ANKRD13A: variants seen among roughly 807,000 people sequenced by gnomAD.
ANKRD13A encodes ankyrin repeat domain 13A, also known as ankyrin repeat domain-containing protein 13A.
In ANKRD13A, 48 loss-of-function variants were observed where a neutral mutation model predicts 81.3. That is an observed-to-expected ratio of 0.59 (90% confidence interval 0.47 to 0.75). ANKRD13A has a LOEUF of 0.75. Among genes scored for constraint, ANKRD13A ranks in the 30% least tolerant of loss-of-function variants. The pLI, the probability that ANKRD13A is intolerant of heterozygous loss-of-function variation, is 0.00. For synonymous variants in ANKRD13A, 230 were observed against 270.1 expected, an observed-to-expected ratio of 0.85 and a Z score of 1.45; for missense variants, 612 against 734.0, an observed-to-expected ratio of 0.83 and a Z score of 1.92.
rs1054134170 is a variant in ANKRD13A, at chr12:110,039,165, A to G, written c.*1611A>G. ...GTTTGTTTCAAATATGCAGTGTGGTATTTTGTTTACTTTGCATTTACCGTG... is the reference window on the plus strand; with the variant it reads ...GTTTGTTTCAAATATGCAGTGTGGTGTTTTGTTTACTTTGCATTTACCGTG... On this transcript the variant is annotated 3_prime_UTR_variant, in exon 15 of 15. Coordinates refer to ENST00000261739, the MANE Select transcript of ANKRD13A (RefSeq NM_033121.2). The G allele has an allele frequency of 1.3e-5, 2 of 151,408 alleles. No homozygotes were observed. The highest frequency in any genetic ancestry group is 2.9e-5 in the Non-Finnish European group (2 of 67,950). 9.4% of individuals were successfully genotyped at this position (151,408 alleles called of 1,614,324 possible). A position where few individuals can be genotyped will look rare whatever the true frequency, so the allele number is the denominator to read the frequency against.
Position 110,018,295 on chromosome 12 carries a change from ATTC to A in ANKRD13A, c.401-44_401-42del. 2.5e-6 allele frequency: 4 copies of A among 1,569,396 alleles called. No homozygotes were observed. Among genetic ancestry groups the A allele is most frequent in the Non-Finnish European group, 3.5e-6 (4 of 1,149,112 alleles). On this transcript the variant is annotated intron_variant, in intron 4 of 14. Transcript: ENST00000261739. The surrounding 1 kb of genome is among the most constrained non-coding windows in gnomAD (Gnocchi z 4.4). Reference sequence around the variant, plus strand: ...AGAATCCTGATTTCCTGGCCTAGGTATTCTTCTTGGCCCTTGAGTTTTTCTCAG... The same window carrying A: ...AGAATCCTGATTTCCTGGCCTAGGTATTCTTGGCCCTTGAGTTTTTCTCAG...
chr12:110,014,952 T>C (rs1324975320), intron 3 of ANKRD13A, among the ~76,000 whole-genome samples: 2 of 149,782 alleles, frequency 1.3e-5, no homozygotes, highest in African/African-American at 4.9e-5. Flanking sequence ...CCCGGCTAAT[T>C]TTTTTTTTTG....
intron 1 of ANKRD13A, among the ~76,000 whole-genome samples, chr12:110,000,638 C>T (rs1889906780): frequency 6.6e-6 from 1 of 151,988 alleles, no homozygotes; most frequent in South Asian, 2.1e-4. Context: ...GGGTAGAGGC[C>T]GGTTATGCTG....
At chr12:110,030,606 G>A (rs1173177326) in intron 11 of ANKRD13A, 39 bp from the exon 12 acceptor site, 7 of 1,246,086 alleles carry the variant, frequency 5.6e-6, no homozygotes, top group African/African-American at 1.5e-5. Flanking sequence ...GTTATTCTCA[G>A]TAAAGTTTAC....
chr12:110,019,473 T>C (rs1890967552), intron 6 of ANKRD13A, 145 bp downstream of exon 6: 1 of 716,108 alleles, frequency 1.4e-6, no homozygotes, highest in Admixed American at 3.6e-5. Context: ...GATTGATCTC[T>C]AACCAGTAGA....
At chr12:110,012,169 G>T (rs758837531) in intron 2 of ANKRD13A, 32 bp downstream of exon 2, 2 of 1,573,920 alleles carry the variant, frequency 1.3e-6, no homozygotes, top group Non-Finnish European at 1.7e-6. Context: ...TTTAAAGTCC[G>T]TCTGAGCACC....
chr12:110,017,052 G>A (rs113908078), intron 4 of ANKRD13A, among the ~76,000 whole-genome samples: 298 of 152,216 alleles, frequency 2.0e-3, no homozygotes, highest in African/African-American at 7.0e-3. Flanking sequence ...GGGATTACAG[G>A]CATGAGCTAC....
At chr12:110,005,733 C>T (rs1259275825) in intron 1 of ANKRD13A, among the ~76,000 whole-genome samples, 2 of 152,114 alleles carry the variant, frequency 1.3e-5, no homozygotes, top group East Asian at 3.8e-4. Context: ...AATGTTTCTC[C>T]GTTTGTCAGT....
At position 110,008,860 on chromosome 12, in the gene ANKRD13A, G is replaced by T. The variant is rs142204358; in HGVS notation, c.97-3145G>T. ...AGATTGTGCCACTATACTCCAGCCT[G>T]GGCGACAGAGCGAGACTCAGTCTGG... On this transcript the variant is annotated intron_variant, in intron 1 of 14. Coordinates refer to ENST00000261739, the MANE Select transcript of ANKRD13A (RefSeq NM_033121.2). 7.3e-3 allele frequency among the ~76,000 whole-genome samples: 1,107 copies of T among 152,266 alleles called. 9 individuals carry two copies. Among genetic ancestry groups the T allele is most frequent in the Non-Finnish European group, 0.012 (797 of 68,020 alleles).
At chr12:110,008,289 T>G (rs978467246) in intron 1 of ANKRD13A, among the ~76,000 whole-genome samples, 7 of 152,248 alleles carry the variant, frequency 4.6e-5, no homozygotes, top group Non-Finnish European at 8.8e-5. Context: ...TATGATATGG[T>G]GTAATACGTT....
At position 110,019,130 on chromosome 12, in the gene ANKRD13A, C is replaced by T; in HGVS notation, c.545-9C>T. 3 of 1,567,664 alleles carry T rather than the reference C, an allele frequency of 1.9e-6. No individual in the cohort carries two copies. The highest frequency in any genetic ancestry group is 2.6e-6 in the Non-Finnish European group (3 of 1,154,996). On this transcript the variant is annotated splice_polypyrimidine_tract_variant and intron_variant, in intron 5 of 14. Coordinates refer to ENST00000261739, the MANE Select transcript of ANKRD13A (RefSeq NM_033121.2). The stretch of plus-strand genomic sequence containing the variant: ...TTGCACTTAGTTATGCCTTTGTTTC[C>T]ATTAATAGACAACTGGGCGGAGTTA...
intron 3 of ANKRD13A, among the ~76,000 whole-genome samples, chr12:110,014,815 G>A (rs1038137010): frequency 4.2e-5 from 5 of 117,796 alleles, no homozygotes; most frequent in Non-Finnish European, 8.1e-5. Flanking sequence ...ACGGAATCTC[G>A]CTCTGTAGCC....
chr12:110,028,370 T>G, intron 9 of ANKRD13A, 142 bp from the exon 10 acceptor site: 1 of 832,286 alleles, frequency 1.2e-6, no homozygotes, highest in Non-Finnish European at 1.9e-6. Flanking sequence ...ATAGATTTTC[T>G]TGTTCCATGC....
In ANKRD13A at chr12:110,037,463, C is replaced by T; in HGVS notation, c.1682C>T (p.Ser561Phe). 1 of 1,614,224 alleles carries T rather than the reference C, an allele frequency of 6.2e-7. No individual in the cohort carries two copies. The highest frequency in any genetic ancestry group is 8.5e-7 in the Non-Finnish European group (1 of 1,180,018). The change falls in exon 15 of 15, where the codon TCT (serine) becomes TTT (phenylalanine). Residue 561 changes from serine (S) to phenylalanine (F), a missense_variant. Coordinates refer to ENST00000261739, the MANE Select transcript of ANKRD13A (RefSeq NM_033121.2). ...DNDLQLAMEL[S>F]AKELEEWELR... Reference sequence around the variant, plus strand: ...GACTTGCAGCTAGCCATGGAGCTCTCTGCCAAAGAGCTGGAGGAATGGGAG... The same window carrying T: ...GACTTGCAGCTAGCCATGGAGCTCTTTGCCAAAGAGCTGGAGGAATGGGAG...
At chr12:110,005,106 T>C (rs1459520272) in intron 1 of ANKRD13A, among the ~76,000 whole-genome samples, 2 of 152,204 alleles carry the variant, frequency 1.3e-5, no homozygotes, top group African/African-American at 2.4e-5. Flanking sequence ...TATGCAACTA[T>C]CACTACTGTC....
chr12:110,031,191 A>G (rs1891668673), intron 12 of ANKRD13A, among the ~76,000 whole-genome samples: 2 of 152,128 alleles, frequency 1.3e-5, no homozygotes, highest in South Asian at 4.1e-4. Context: ...TCTGTGTTGG[A>G]TGAAAGAAAA....
intron 1 of ANKRD13A, among the ~76,000 whole-genome samples, chr12:110,005,810 A>C (rs1890214621): frequency 6.6e-6 from 1 of 151,894 alleles, no homozygotes; most frequent in Non-Finnish European, 1.5e-5. Flanking sequence ...GTATTTGTGT[A>C]TATGTTTTTG....
intron 1 of ANKRD13A, among the ~76,000 whole-genome samples, chr12:110,002,014 A>G (rs1029617229): frequency 1.6e-4 from 24 of 151,798 alleles, no homozygotes; most frequent in South Asian, 4.2e-4. Context: ...TCTTGTACTC[A>G]AGTGATCTGC....
At chr12:110,019,104 T>G in intron 5 of ANKRD13A, 35 bp from the exon 6 acceptor site, 5 of 1,540,008 alleles carry the variant, frequency 3.2e-6, no homozygotes, top group Non-Finnish European at 4.4e-6. Context: ...TCTTCCCTAC[T>G]TTGCACTTAG....
Sources: gnomAD v4.1 joint callset for allele counts (sites outside exome capture counted in the v4.1 genomes callset) on GRCh38, gnomAD v4.1.1 for gene constraint, Gnocchi (gnomAD v3.1) non-coding constraint, MANE v1.5 for transcripts, NCBI Gene and HGNC (gene_info 2026-07-23, HGNC 2026-07-21) for gene names.